Variants in HERC3 observed in about 807,000 individuals in gnomAD.
The protein encoded by HERC3 is HECT and RLD domain containing E3 ubiquitin protein ligase 3, also known as probable E3 ubiquitin-protein ligase HERC3.
Under a neutral mutation model 129.9 loss-of-function variants are expected in HERC3, and 58 were observed. The ratio of observed to expected loss-of-function variants is 0.45; its 90% confidence interval spans 0.36 to 0.56. HERC3 has a LOEUF of 0.56. Among genes scored for constraint, HERC3 ranks in the 20% least tolerant of loss-of-function variants. The probability of loss-of-function intolerance (pLI) is 0.00; values close to 1 mark genes in which losing one functional copy is unlikely to be tolerated. For missense variants in HERC3, 835 were observed against 1,244.2 expected, an observed-to-expected ratio of 0.67 and a Z score of 4.95; for synonymous variants, 430 against 451.0, an observed-to-expected ratio of 0.95 and a Z score of 0.59.
the HERC3 span, among the ~76,000 whole-genome samples, chr4:88,543,952 A>G: frequency 7.2e-5 from 11 of 152,356 alleles, no homozygotes; most frequent in South Asian, 2.1e-3. Context: ...TGTAAGATCT[A>G]AAACCATAAA....
At chr4:88,643,798 A>G (rs899389399) in intron 3 of HERC3, among the ~76,000 whole-genome samples, 1 of 152,210 alleles carries the variant, frequency 6.6e-6, no homozygotes, top group African/African-American at 2.4e-5. Flanking sequence ...TTCAGAAGAA[A>G]GCAGAGGAGA....
chr4:88,605,577 T>C (rs1171468853), intron 2 of HERC3, among the ~76,000 whole-genome samples: 1 of 152,192 alleles, frequency 6.6e-6, no homozygotes, highest in Non-Finnish European at 1.5e-5. Context: ...CAAACACAAT[T>C]TATTTAAACT....
At chr4:88,574,730 T>G in the HERC3 span, among the ~76,000 whole-genome samples, 1 of 152,238 alleles carries the variant, frequency 6.6e-6, no homozygotes. Flanking sequence ...GGTTCATCCA[T>G]GTGGTAGCGT....
the HERC3 span, among the ~76,000 whole-genome samples, chr4:88,525,406 GT>G: frequency 4.8e-3 from 732 of 152,326 alleles, 3 homozygotes; most frequent in Non-Finnish European, 8.0e-3. Flanking sequence ...GGAAAGATAA[GT>G]TTCTGCTTAA....
At chr4:88,675,314 A>G (rs1560749739) in intron 16 of HERC3, among the ~76,000 whole-genome samples, 1 of 152,122 alleles carries the variant, frequency 6.6e-6, no homozygotes, top group Non-Finnish European at 1.5e-5. Flanking sequence ...CTCTTTTCTC[A>G]CTACACCTGG....
upstream of HERC3, among the ~76,000 whole-genome samples, chr4:88,591,892 A>G (rs1414400573): frequency 2.0e-5 from 3 of 151,960 alleles, no homozygotes; most frequent in African/African-American, 7.2e-5. Context: ...TTTCTTCCGC[A>G]GCCCCGTGCC....
chr4:88,657,666 A>G (rs1730056590), intron 9 of HERC3, among the ~76,000 whole-genome samples: 1 of 152,232 alleles, frequency 6.6e-6, no homozygotes, highest in Non-Finnish European at 1.5e-5. Context: ...AGTTATGTAA[A>G]TGACATGGTT....
At chr4:88,652,238 C>A in intron 5 of HERC3, 150 bp downstream of exon 5, 1 of 631,758 alleles carries the variant, frequency 1.6e-6, no homozygotes, top group Non-Finnish European at 2.8e-6. Flanking sequence ...CTCATATGGG[C>A]TTTGCATAGC....
intron 3 of HERC3, among the ~76,000 whole-genome samples, chr4:88,633,466 T>C (rs897369513): frequency 1.3e-5 from 2 of 152,176 alleles, no homozygotes; most frequent in Non-Finnish European, 2.9e-5. Flanking sequence ...ATTGTAAAAA[T>C]GTTGATTCTA....
the HERC3 span, among the ~76,000 whole-genome samples, chr4:88,545,981 C>G: frequency 6.6e-6 from 1 of 151,996 alleles, no homozygotes; most frequent in African/African-American, 2.4e-5. Flanking sequence ...CTTCATTGCT[C>G]TTTAGGGAAA....
chr4:88,601,358 G>T (rs1722939759), intron 2 of HERC3, among the ~76,000 whole-genome samples: 1 of 152,162 alleles, frequency 6.6e-6, no homozygotes, highest in Non-Finnish European at 1.5e-5. Flanking sequence ...GTCAAGAGAG[G>T]TTGAAAGTAC....
At chr4:88,528,678 C>T in the HERC3 span, among the ~76,000 whole-genome samples, 1 of 152,128 alleles carries the variant, frequency 6.6e-6, no homozygotes, top group African/African-American at 2.4e-5. Context: ...ACAGAGTGCT[C>T]TTTCTCCAAA....
At chr4:88,568,842 A>G in the HERC3 span, among the ~76,000 whole-genome samples, 1 of 151,906 alleles carries the variant, frequency 6.6e-6, no homozygotes. Context: ...AAGTTGCAAG[A>G]CAAAGTCCTA....
At chr4:88,704,055 A>G (rs1314934366) in intron 23 of HERC3, 43 bp from the exon 24 acceptor site, 1 of 1,565,114 alleles carries the variant, frequency 6.4e-7, no homozygotes, top group African/African-American at 1.4e-5. Context: ...CATAAGCTTT[A>G]CAAGACTTTG....
At chr4:88,572,539 G>A in the HERC3 span, among the ~76,000 whole-genome samples, 288 of 152,144 alleles carry the variant, frequency 1.9e-3, 1 homozygote, top group African/African-American at 6.5e-3. Context: ...GGCCGAGTGT[G>A]GTGGCTCACA....
intron 3 of HERC3, among the ~76,000 whole-genome samples, chr4:88,609,530 T>TGGCCTCCCAAAGTGCTGGCA: frequency 6.6e-6 from 1 of 152,192 alleles, no homozygotes; most frequent in African/African-American, 2.4e-5. Flanking sequence ...GATCTAGTTT[T>TGGCCTCCCAAAGTGCTGGCA]TTATCTACCA....
chr4:88,603,261 G>A (rs1015506463), intron 2 of HERC3, among the ~76,000 whole-genome samples: 4 of 147,142 alleles, frequency 2.7e-5, no homozygotes, highest in African/African-American at 1.0e-4. Flanking sequence ...AGGCTGGAGT[G>A]CAGTGGCGCC....
intron 3 of HERC3, among the ~76,000 whole-genome samples, chr4:88,644,752 A>G (rs952730973): frequency 6.6e-6 from 1 of 152,176 alleles, no homozygotes. Context: ...AAAAAGGTCA[A>G]GTTTATTCTA....
At chr4:88,685,318 T>G (rs1266199802) in intron 21 of HERC3, among the ~76,000 whole-genome samples, 1 of 152,188 alleles carries the variant, frequency 6.6e-6, no homozygotes, top group African/African-American at 2.4e-5. Context: ...TGCAGCACTA[T>G]TTACAATAGC....
Sources: gnomAD v4.1 joint callset for allele counts (sites outside exome capture counted in the v4.1 genomes callset) on GRCh38, gnomAD v4.1.1 for gene constraint, MANE v1.5 for transcripts, NCBI Gene and HGNC (gene_info 2026-07-23, HGNC 2026-07-21) for gene names.